SEM1: variants seen among roughly 807,000 people sequenced by gnomAD.
The protein encoded by SEM1 is 26S proteasome complex subunit SEM1.
SEM1 carries 3 observed loss-of-function variants against 12.7 expected under a neutral mutation model. That is an observed-to-expected ratio of 0.24 (90% confidence interval 0.11 to 0.61). The LOEUF (loss-of-function observed/expected upper bound fraction) is 0.61. SEM1 is among the 20% of genes least tolerant of loss of function. The pLI is 0.88. For missense variants in SEM1, 59 were observed against 81.3 expected, an observed-to-expected ratio of 0.73 and a Z score of 1.06; for synonymous variants, 30 against 27.8, an observed-to-expected ratio of 1.08 and a Z score of -0.25.
intron 2 of SEM1, among the ~76,000 whole-genome samples, chr7:96,603,820 AT>A (rs992003686): frequency 6.6e-6 from 1 of 151,904 alleles, no homozygotes; most frequent in South Asian, 2.1e-4. Flanking sequence ...CCACAGAGAG[AT>A]TTCAAAACTC....
chr7:96,500,509 A>G (rs1266220424), upstream of SEM1, among the ~76,000 whole-genome samples: 1 of 152,172 alleles, frequency 6.6e-6, no homozygotes, highest in Admixed American at 6.6e-5. Flanking sequence ...TACTTTGAGA[A>G]TCAGATGAAA....
intron 1 of SEM1, among the ~76,000 whole-genome samples, chr7:96,699,880 C>T (rs758853546): frequency 6.6e-6 from 1 of 152,014 alleles, no homozygotes; most frequent in African/African-American, 2.4e-5. Flanking sequence ...TTCCAAAATA[C>T]TAAAGCACTC....
chr7:96,639,281 A>G (rs1808519966), intron 2 of SEM1, among the ~76,000 whole-genome samples: 1 of 151,992 alleles, frequency 6.6e-6, no homozygotes, highest in Non-Finnish European at 1.5e-5. Context: ...ACAATGAAAA[A>G]GAACTAGAGA....
chr7:96,615,380 G>A (rs1221418116), intron 2 of SEM1, among the ~76,000 whole-genome samples: 1 of 151,510 alleles, frequency 6.6e-6, no homozygotes, highest in Non-Finnish European at 1.5e-5. Context: ...AGCCTCCTGA[G>A]TAATCCTGGG....
At chr7:96,663,997 T>C (rs1284779612) in intron 2 of SEM1, among the ~76,000 whole-genome samples, 1 of 152,314 alleles carries the variant, frequency 6.6e-6, no homozygotes, top group East Asian at 1.9e-4. Flanking sequence ...TGTGAAGTTA[T>C]GGAATAAAAG....
In SEM1 at chr7:96,615,915, A is replaced by C. The variant is rs142984783; in HGVS notation, c.170+78883T>G. ...CATTATTTTCTATGGCTGAGTAATA[A>C]ATATGAACATTTTCTTCATATAATC... On this transcript the variant is annotated intron_variant and NMD_transcript_variant, in intron 2 of 3. Coordinates refer to the SEM1 transcript ENST00000466986. 4.9e-3 allele frequency among the ~76,000 whole-genome samples: 745 copies of C among 152,328 alleles called. 9 individuals carry two copies. Among genetic ancestry groups the C allele is most frequent in the African/African-American group, 0.017 (712 of 41,570 alleles).
At chr7:96,519,768 G>A (rs1346074597) in intron 2 of SEM1, among the ~76,000 whole-genome samples, 1 of 152,092 alleles carries the variant, frequency 6.6e-6, no homozygotes, top group South Asian at 2.1e-4. Flanking sequence ...AGCCAAAAAG[G>A]TAAAGGTGTG....
At chr7:96,561,922 G>A (rs1019259789) in intron 2 of SEM1, among the ~76,000 whole-genome samples, 1 of 152,104 alleles carries the variant, frequency 6.6e-6, no homozygotes, top group East Asian at 1.9e-4. Context: ...AGTATTTGTG[G>A]TATTATTATT....
chr7:96,493,577 G>A (rs887756094), intron 1 of SEM1, among the ~76,000 whole-genome samples: 3 of 152,128 alleles, frequency 2.0e-5, no homozygotes, highest in African/African-American at 4.8e-5. Context: ...GCTTGATACA[G>A]CTGCATGCTT....
At chr7:96,595,385 AC>A (rs1266350196) in intron 2 of SEM1, among the ~76,000 whole-genome samples, 1 of 152,080 alleles carries the variant, frequency 6.6e-6, no homozygotes, top group African/African-American at 2.4e-5. Flanking sequence ...GGTGGTGTGC[AC>A]ATGTAGTCCC....
intron 2 of SEM1, among the ~76,000 whole-genome samples, chr7:96,531,477 A>G (rs181187125): frequency 1.9e-3 from 290 of 151,770 alleles, no homozygotes; most frequent in Non-Finnish European, 3.0e-3. Flanking sequence ...GGTGGTGTGC[A>G]TCTGTAATCC....
At chr7:96,600,890 A>G (rs1488977322) in intron 2 of SEM1, among the ~76,000 whole-genome samples, 2 of 152,218 alleles carry the variant, frequency 1.3e-5, no homozygotes, top group African/African-American at 4.8e-5. Context: ...AATAGGAGGC[A>G]GAGAGGAAGT....
chr7:96,525,185 A>G (rs995189776), intron 2 of SEM1, among the ~76,000 whole-genome samples: 11 of 151,740 alleles, frequency 7.2e-5, no homozygotes, highest in African/African-American at 2.7e-4. Context: ...TCTGCGTGCC[A>G]ATCTCAGGCT....
intron 1 of SEM1, among the ~76,000 whole-genome samples, chr7:96,698,086 A>G (rs28730461): frequency 0.028 from 4,229 of 152,244 alleles, 221 homozygotes; most frequent in African/African-American, 0.096. Context: ...GTGAGCTTTC[A>G]GTTGTGGCAG....
At chr7:96,555,958 C>CT (rs1805479493) in intron 2 of SEM1, among the ~76,000 whole-genome samples, 1 of 142,862 alleles carries the variant, frequency 7.0e-6, no homozygotes, top group African/African-American at 2.5e-5. Flanking sequence ...CCTTCTTTGT[C>CT]TTTTTTGATC....
chr7:96,572,495 T>C (rs1806067945), intron 2 of SEM1, among the ~76,000 whole-genome samples: 1 of 152,164 alleles, frequency 6.6e-6, no homozygotes, highest in African/African-American at 2.4e-5. Flanking sequence ...TTTGTTCTCA[T>C]TGGTTTCAAA....
chr7:96,701,392 C>A (rs1442098521), intron 1 of SEM1, among the ~76,000 whole-genome samples: 1 of 152,144 alleles, frequency 6.6e-6, no homozygotes, highest in Non-Finnish European at 1.5e-5. Flanking sequence ...TGCACTCTTT[C>A]ATTCTGCCAC....
chr7:96,672,672 A>G (rs1789348821), downstream of SEM1: 2 of 152,216 alleles, frequency 1.3e-5, no homozygotes, highest in Non-Finnish European at 2.9e-5. Flanking sequence ...CTTAGGATAA[A>G]CACTAACTCC....
At chr7:96,679,770 TCTA>T (rs1169959361) in intron 2 of SEM1, among the ~76,000 whole-genome samples, 3 of 152,178 alleles carry the variant, frequency 2.0e-5, no homozygotes. Context: ...ATAAAAGGTC[TCTA>T]CTGTTTCCTA....
Sources: gnomAD v4.1 joint callset for allele counts (sites outside exome capture counted in the v4.1 genomes callset) on GRCh38, gnomAD v4.1.1 for gene constraint, MANE v1.5 for transcripts, NCBI Gene and HGNC (gene_info 2026-07-23, HGNC 2026-07-21) for gene names.